NFX1: variants seen among roughly 807,000 people sequenced by gnomAD.
NFX1 encodes the protein transcriptional repressor NF-X1.
A neutral mutation model predicts 137.2 loss-of-function variants in NFX1; 69 were observed. The ratio of observed to expected loss-of-function variants is 0.50; its 90% CI spans 0.41 to 0.61. The LOEUF (loss-of-function observed/expected upper bound fraction) is 0.61, where lower values mean the gene tolerates loss of function less well. Ranked by LOEUF, NFX1 falls within the 20% of genes least tolerant of loss-of-function variation. NFX1 has a pLI of 0.00. For missense variants in NFX1, 1,167 were observed against 1,391.0 expected (o/e 0.84, Z 2.56); for synonymous variants, 495 against 474.1 (o/e 1.04, Z -0.57).
At chr9:33,345,638 C>T (rs1405563159) in intron 14 of NFX1, among the ~76,000 whole-genome samples, 1 of 152,256 alleles carries the variant, frequency 6.6e-6, no homozygotes, top group South Asian at 2.1e-4. Flanking sequence ...TCCTACTGAA[C>T]TTAATGCTTT....
chr9:33,371,051 C>A lies in NFX1; in HGVS notation c.*1073C>A, dbSNP rs1263613888. The A allele has an allele frequency of 1.3e-5, 2 of 152,224 alleles. No homozygotes were observed. 9.4% of individuals were successfully genotyped at this position (152,224 alleles called of 1,614,324 possible). On this transcript the variant is annotated 3_prime_UTR_variant, in exon 24 of 24. Transcript: ENST00000379540. ...AGCCTGGAGGCCAGGCTTCCAGCAA[C>A]TTCCTTCTGCCCTAGAGCAAGCCAT...
intron 9 of NFX1, among the ~76,000 whole-genome samples, chr9:33,326,119 G>A (rs868644904): frequency 6.6e-5 from 10 of 152,064 alleles, no homozygotes; most frequent in Admixed American, 5.9e-4. Context: ...GGTAAATTTT[G>A]TATAAGAGGG....
At chr9:33,339,269 G>T (rs1485072858) in intron 12 of NFX1, among the ~76,000 whole-genome samples, 1 of 152,118 alleles carries the variant, frequency 6.6e-6, no homozygotes, top group Non-Finnish European at 1.5e-5. Flanking sequence ...GTTCCAAGTC[G>T]GTGGGGAGGC....
intron 6 of NFX1, among the ~76,000 whole-genome samples, chr9:33,312,963 C>T (rs1208367779): frequency 6.6e-6 from 1 of 152,188 alleles, no homozygotes; most frequent in Non-Finnish European, 1.5e-5. Context: ...GCTTATTTCC[C>T]TACCCTGAAG....
In NFX1 at chr9:33,319,080, C is replaced by G. The variant is rs566516856; in HGVS notation, c.1859C>G (p.Pro620Arg). 9.1e-5 allele frequency: 147 copies of G among 1,614,194 alleles called. No individual in the cohort carries two copies. The South Asian group carries it at 1.5e-3, about 17-fold the overall frequency. Residue 620 changes from proline to arginine, a missense_variant, in exon 9 of 24, where the codon CCT (proline) becomes CGT (arginine). Transcript: ENST00000379540. ...SSRKTCMDPV[P>R]SCGKVCGKPL... ...CGGAAAACATGCATGGACCCTGTGCCTTCATGTGGAAAAGTGTGCGGCAAG... is the reference window on the plus strand; with the variant it reads ...CGGAAAACATGCATGGACCCTGTGCGTTCATGTGGAAAAGTGTGCGGCAAG...
intron 5 of NFX1, among the ~76,000 whole-genome samples, chr9:33,310,497 A>G (rs1821923606): frequency 6.6e-6 from 1 of 152,152 alleles, no homozygotes; most frequent in African/African-American, 2.4e-5. Context: ...AGCATTTTTC[A>G]GAGGGCTAAT....
intron 12 of NFX1, among the ~76,000 whole-genome samples, chr9:33,341,524 A>G (rs573895458): frequency 2.6e-5 from 4 of 152,222 alleles, no homozygotes; most frequent in African/African-American, 7.2e-5. Flanking sequence ...GTGTGTATGT[A>G]TGTATATAGC....
At chr9:33,315,437 A>G (rs1172349982) in intron 7 of NFX1, among the ~76,000 whole-genome samples, 1 of 152,104 alleles carries the variant, frequency 6.6e-6, no homozygotes, top group East Asian at 1.9e-4. Flanking sequence ...CTTCCCTGAA[A>G]TATACTCTCT....
intron 2 of NFX1, among the ~76,000 whole-genome samples, chr9:33,300,298 C>G (rs1821509872): frequency 6.6e-6 from 1 of 151,968 alleles, no homozygotes; most frequent in South Asian, 2.1e-4. Flanking sequence ...CTCCCGACCT[C>G]ATGATCTGCC....
chr9:33,336,819 G>C (rs1225602854), intron 11 of NFX1, among the ~76,000 whole-genome samples: 1 of 151,920 alleles, frequency 6.6e-6, no homozygotes, highest in African/African-American at 2.4e-5. Context: ...AGTTTTTCCA[G>C]GGCTGGGCGC....
intron 19 of NFX1, among the ~76,000 whole-genome samples, chr9:33,362,608 G>T (rs543640035): frequency 6.6e-6 from 1 of 151,770 alleles, no homozygotes; most frequent in Non-Finnish European, 1.5e-5. Flanking sequence ...ACTGAGAAGA[G>T]GGACAGGGTG....
chr9:33,336,469 C>G (rs771924547), intron 11 of NFX1, among the ~76,000 whole-genome samples: 2 of 152,174 alleles, frequency 1.3e-5, no homozygotes, highest in African/African-American at 2.4e-5. Flanking sequence ...CTGCCTCAGC[C>G]TCTCAAAGTG....
At chr9:33,301,196 TG>T (rs1821550342) in intron 2 of NFX1, 66 bp from the exon 3 acceptor site, 3 of 1,396,360 alleles carry the variant, frequency 2.1e-6, no homozygotes, top group African/African-American at 2.9e-5. Flanking sequence ...GATCCTTGGT[TG>T]ATTAAAGTGA....
chr9:33,329,529 T>C (rs779333340), intron 10 of NFX1, among the ~76,000 whole-genome samples: 1 of 152,180 alleles, frequency 6.6e-6, no homozygotes, highest in Non-Finnish European at 1.5e-5. Context: ...AGAGATTACC[T>C]CTCAGAAGCC....
Position 33,295,102 on chromosome 9 carries a change from T to A in NFX1, c.708T>A (p.Asn236Lys). The change falls in exon 2 of 24, where the codon AAT (asparagine) becomes AAA (lysine). Residue 236 changes from asparagine to lysine, a missense_variant. Asn to Lys is a moderately conservative substitution (Grantham distance 94). Around this residue, in one of 3 missense-constraint regions of NFX1, gnomAD observed 367 missense variants for 386.7 expected, o/e 0.95. Transcript: ENST00000379540. The part of the protein sequence containing the change: ...GVLDGYGARR[N>K]EQRRYPQKRP... ...TGGATGGGTATGGAGCCAGACGAAA[T>A]GAGCAGAGAAGATACCCACAGAAAA... 6.2e-7 allele frequency: 1 copy of A among 1,613,808 alleles called. No homozygotes were observed. The highest frequency in any genetic ancestry group is 8.5e-7 in the Non-Finnish European group (1 of 1,179,972).
chr9:33,298,837 A>G (rs189430140), intron 2 of NFX1, among the ~76,000 whole-genome samples: 44 of 152,328 alleles, frequency 2.9e-4, no homozygotes, highest in Middle Eastern at 3.4e-3. Flanking sequence ...TAAGAAGGCA[A>G]CAGGACAAGT....
At chr9:33,314,341 G>A (rs777476642) in intron 7 of NFX1, among the ~76,000 whole-genome samples, 15 of 151,990 alleles carry the variant, frequency 9.9e-5, no homozygotes, top group Non-Finnish European at 1.9e-4. Flanking sequence ...GCTTGAAAAG[G>A]ACCAGATTAT....
chr9:33,357,195 G>T (rs1442717407), intron 19 of NFX1, among the ~76,000 whole-genome samples: 2 of 152,000 alleles, frequency 1.3e-5, no homozygotes, highest in African/African-American at 4.8e-5. Context: ...CCAGCTACTC[G>T]GGAAGCTGAG....
At chr9:33,342,687 T>C (rs1354502765) in intron 12 of NFX1, 59 bp from the exon 13 acceptor site, 1 of 1,168,974 alleles carries the variant, frequency 8.6e-7, no homozygotes. Context: ...CTTGTTGTTA[T>C]TTATGGAAAA....
Sources: gnomAD v4.1 joint callset for allele counts (sites outside exome capture counted in the v4.1 genomes callset) on GRCh38, gnomAD v4.1.1 for gene constraint, gnomAD v4.1.1 regional missense constraint, MANE v1.5 for transcripts, NCBI Gene and HGNC (gene_info 2026-07-23, HGNC 2026-07-21) for gene names.